The following FAM193A variants were observed in gnomAD, a reference collection of about 807,000 sequenced individuals.
FAM193A encodes family with sequence similarity 193 member A.
In FAM193A, 22 loss-of-function variants were observed where a neutral mutation model predicts 126.5. The observed-to-expected ratio is 0.17, with a 90% CI of 0.12 to 0.25. The LOEUF is 0.25. Ranked by LOEUF, FAM193A falls within the 10% of genes least tolerant of loss-of-function variation. The pLI is 1.00. For missense variants in FAM193A, 1,675 were observed against 1,672.8 expected (o/e 1.00, Z -0.02); for synonymous variants, 761 against 646.8 (o/e 1.18, Z -2.68).
At chr4:2,535,779 G>A (rs1237537213), upstream of FAM193A, among the ~76,000 whole-genome samples, 1 of 152,246 alleles carries the variant, frequency 6.6e-6, no homozygotes, top group Non-Finnish European at 1.5e-5. Context: ...GATTAGCAAG[G>A]CACCGGGACC....
intron 6 of FAM193A, among the ~76,000 whole-genome samples, chr4:2,642,289 C>T (rs749950965): frequency 2.6e-5 from 4 of 151,932 alleles, no homozygotes; most frequent in Non-Finnish European, 5.9e-5. Context: ...GGGGACAGAG[C>T]GAGACTCCAT....
At chr4:2,701,086 C>T (rs1383192310) in intron 19 of FAM193A, among the ~76,000 whole-genome samples, 2 of 151,900 alleles carry the variant, frequency 1.3e-5, no homozygotes, top group African/African-American at 4.8e-5. Flanking sequence ...TCTTATTTTT[C>T]TGGACAGAAG....
At chr4:2,563,603 A>T (rs1233698763) in intron 1 of FAM193A, among the ~76,000 whole-genome samples, 1 of 152,202 alleles carries the variant, frequency 6.6e-6, no homozygotes, top group African/African-American at 2.4e-5. Flanking sequence ...AGATAATGCT[A>T]ATAGTGTGTG....
chr4:2,605,822 T>G (rs1302911040), intron 2 of FAM193A, among the ~76,000 whole-genome samples: 2 of 151,350 alleles, frequency 1.3e-5, no homozygotes, highest in Non-Finnish European at 2.9e-5. Context: ...AAATACAAAA[T>G]TAGCCCGTCA....
intron 1 of FAM193A, among the ~76,000 whole-genome samples, chr4:2,555,038 G>A (rs1376277315): frequency 6.6e-6 from 1 of 152,000 alleles, no homozygotes; most frequent in South Asian, 2.1e-4. Context: ...ATTTTTAATT[G>A]TAATGTGTAT....
chr4:2,608,908 T>TG (rs1741698138), intron 2 of FAM193A, among the ~76,000 whole-genome samples: 1 of 151,054 alleles, frequency 6.6e-6, no homozygotes, highest in African/African-American at 2.4e-5. Flanking sequence ...TTTTTTTTTT[T>TG]GAGACAGAGT....
chr4:2,614,165 A>G (rs139414793), intron 2 of FAM193A, among the ~76,000 whole-genome samples: 1,585 of 152,256 alleles, frequency 0.01, 22 homozygotes, highest in African/African-American at 0.036. Context: ...TTCTTGCCCA[A>G]TTCCACTGAC....
intron 13 of FAM193A, among the ~76,000 whole-genome samples, chr4:2,682,567 G>T (rs1381354776): frequency 6.6e-6 from 1 of 152,162 alleles, no homozygotes; most frequent in African/African-American, 2.4e-5. Flanking sequence ...AGCCATGTTT[G>T]TAATTGTTTC....
chr4:2,718,529 G>C (rs1345925474), intron 20 of FAM193A, among the ~76,000 whole-genome samples: 1 of 152,040 alleles, frequency 6.6e-6, no homozygotes, highest in Non-Finnish European at 1.5e-5. Context: ...TTCAAGACCA[G>C]CCTGGGCAAC....
At chr4:2,719,173 G>T (rs1719849002) in intron 20 of FAM193A, among the ~76,000 whole-genome samples, 1 of 152,064 alleles carries the variant, frequency 6.6e-6, no homozygotes, top group Non-Finnish European at 1.5e-5. Flanking sequence ...ACTCATATTA[G>T]ATTCAAAAAT....
At chr4:2,571,055 G>A (rs1396304785) in intron 1 of FAM193A, among the ~76,000 whole-genome samples, 1 of 152,120 alleles carries the variant, frequency 6.6e-6, no homozygotes, top group East Asian at 1.9e-4. Flanking sequence ...GGGGGACTTC[G>A]CAGAGCCTCT....
intron 10 of FAM193A, among the ~76,000 whole-genome samples, chr4:2,660,562 C>G (rs146465482): frequency 6.6e-6 from 1 of 152,202 alleles, no homozygotes; most frequent in Admixed American, 6.5e-5. Context: ...AGTTGTGACC[C>G]TGTCATTTGG....
chr4:2,691,021 T>C lies in FAM193A; in HGVS notation c.2803+51T>C, dbSNP rs576649906. ...TCGGGGTCTGCAGGAAGGCTGGGCT[T>C]ACTGACTTCTCGTCTTTGTAACTCA... On this transcript the variant is annotated intron_variant, in intron 15 of 20. Coordinates refer to ENST00000637812, the MANE Select transcript of FAM193A (RefSeq NM_001366318.2). The C allele has an allele frequency of 9.2e-6, 14 of 1,526,802 alleles. No individual in the cohort carries two copies. In the South Asian group the frequency reaches 1.7e-4, roughly 18 times the overall value. 94.6% of individuals were successfully genotyped at this position (1,526,802 alleles called of 1,614,324 possible). A position where few individuals can be genotyped will look rare whatever the true frequency, so the allele number is the denominator to read the frequency against.
intron 20 of FAM193A, among the ~76,000 whole-genome samples, chr4:2,725,138 C>T (rs998733815): frequency 1.3e-5 from 2 of 152,072 alleles, no homozygotes; most frequent in Non-Finnish European, 2.9e-5. Context: ...CTCCGCCTCC[C>T]AAAGTGCTGG....
At chr4:2,610,217 C>T (rs947990901) in intron 2 of FAM193A, among the ~76,000 whole-genome samples, 2 of 152,052 alleles carry the variant, frequency 1.3e-5, no homozygotes, top group East Asian at 1.9e-4. Context: ...GGCGACAGAG[C>T]GAGACTCTGT....
chr4:2,638,888 C>T (rs985392994), intron 5 of FAM193A, among the ~76,000 whole-genome samples: 3 of 152,102 alleles, frequency 2.0e-5, no homozygotes, highest in South Asian at 2.1e-4. Flanking sequence ...GTGAGTGACC[C>T]GACTCAGGAG....
Position 2,627,440 on chromosome 4 carries a change from C to T in FAM193A, c.803+863C>T, listed in dbSNP as rs531264042. 1.5e-4 allele frequency among the ~76,000 whole-genome samples: 11 copies of T among 73,976 alleles called. 2 individuals are homozygous for T. Among genetic ancestry groups the T allele is most frequent in the Admixed American group, 1.0e-3 (4 of 3,946 alleles). 48.5% of individuals were successfully genotyped at this position (73,976 alleles called of 152,430 possible). A position where few individuals can be genotyped will look rare whatever the true frequency, so the allele number is the denominator to read the frequency against. On this transcript the variant is annotated intron_variant, in intron 4 of 20. Transcript: ENST00000637812. ...CTGGGATTACAGGCGTGAGCCACTG[C>T]GTCCGGCAACATAACATATTTTTAT...
At chr4:2,652,790 G>T (rs765406514) in intron 7 of FAM193A, among the ~76,000 whole-genome samples, 1 of 152,228 alleles carries the variant, frequency 6.6e-6, no homozygotes, top group Non-Finnish European at 1.5e-5. Context: ...AGTTTCTGAG[G>T]TTGTGAATAA....
intron 20 of FAM193A, among the ~76,000 whole-genome samples, chr4:2,724,461 T>C (rs1720508741): frequency 6.6e-6 from 1 of 152,230 alleles, no homozygotes; most frequent in African/African-American, 2.4e-5. Context: ...CCTGCTTATC[T>C]CTACTTTGAG....
Sources: allele counts gnomAD v4.1 joint callset (sites outside exome capture counted in the v4.1 genomes callset), GRCh38; gene constraint gnomAD v4.1.1; transcripts MANE v1.5; gene names NCBI Gene and HGNC (gene_info 2026-07-23, HGNC 2026-07-21).